Variants in TMEM132C observed in about 807,000 individuals in gnomAD.
TMEM132C encodes the protein protein phosphatase 1, regulatory subunit 152.
A neutral mutation model predicts 61.4 loss-of-function variants in TMEM132C; 29 were observed. That is an observed-to-expected ratio of 0.47 (90% CI 0.35 to 0.64). The LOEUF (loss-of-function observed/expected upper bound fraction) is 0.64. Among genes scored for constraint, TMEM132C ranks in the 30% least tolerant of loss-of-function variants. The pLI, the probability that TMEM132C is intolerant of heterozygous loss-of-function variation, is 0.00. For missense variants in TMEM132C, 1,408 were observed against 1,476.9 expected (o/e 0.95, Z 0.76); for synonymous variants, 656 against 633.1 (o/e 1.04, Z -0.54).
chr12:128,624,368 AC>A (rs1268307383), intron 4 of TMEM132C, among the ~76,000 whole-genome samples: 1 of 151,744 alleles, frequency 6.6e-6, no homozygotes, highest in Non-Finnish European at 1.5e-5. Flanking sequence ...AGATAGCGAA[AC>A]CCCGTCTCTA....
intron 2 of TMEM132C, among the ~76,000 whole-genome samples, chr12:128,515,660 C>T (rs141747645): frequency 0.02 from 3,048 of 152,148 alleles, 43 homozygotes; most frequent in Middle Eastern, 0.044. Context: ...AGTAAAACCC[C>T]GTCTCTACTA....
intron 1 of TMEM132C, among the ~76,000 whole-genome samples, chr12:128,304,101 T>C (rs1368943547): frequency 6.6e-6 from 1 of 152,176 alleles, no homozygotes; most frequent in Non-Finnish European, 1.5e-5. Context: ...AACAGCTGAC[T>C]GATACCCTTC....
At chr12:128,286,701 C>T (rs992836145) in intron 1 of TMEM132C, among the ~76,000 whole-genome samples, 1 of 152,130 alleles carries the variant, frequency 6.6e-6, no homozygotes, top group African/African-American at 2.4e-5. Flanking sequence ...AGAAGTGGCT[C>T]AGTTTGGGCA....
intron 1 of TMEM132C, among the ~76,000 whole-genome samples, chr12:128,363,871 G>C (rs1238078844): frequency 1.3e-5 from 2 of 151,546 alleles, no homozygotes; most frequent in Non-Finnish European, 2.9e-5. Context: ...AAAGAAGATG[G>C]GGTCCCTTAC....
intron 5 of TMEM132C, among the ~76,000 whole-genome samples, chr12:128,688,016 G>A (rs1397184249): frequency 1.3e-5 from 2 of 151,994 alleles, no homozygotes; most frequent in African/African-American, 2.4e-5. Context: ...CCTAGACTTG[G>A]AAAGAGACAG....
intron 4 of TMEM132C, among the ~76,000 whole-genome samples, chr12:128,665,286 C>T (rs991291043): frequency 1.5e-5 from 2 of 136,076 alleles, no homozygotes; most frequent in Admixed American, 1.4e-4. Context: ...CACGCACACA[C>T]AGGCACTCAC....
chr12:128,693,583 C>T (rs1336022886), intron 5 of TMEM132C, among the ~76,000 whole-genome samples: 1 of 152,198 alleles, frequency 6.6e-6, no homozygotes, highest in Non-Finnish European at 1.5e-5. Context: ...CTGTAACAGC[C>T]TAAAAAATGC....
At chr12:128,303,329 C>T (rs1296768403) in intron 1 of TMEM132C, among the ~76,000 whole-genome samples, 1 of 152,190 alleles carries the variant, frequency 6.6e-6, no homozygotes, top group Non-Finnish European at 1.5e-5. Flanking sequence ...TTGCATTTCC[C>T]TTCTTCCCTT....
intron 3 of TMEM132C, among the ~76,000 whole-genome samples, chr12:128,583,710 C>T (rs1220484969): frequency 6.6e-6 from 1 of 152,206 alleles, no homozygotes; most frequent in African/African-American, 2.4e-5. Context: ...CCCGAGCACC[C>T]CCAGATGGAG....
At chr12:128,564,902 A>G (rs1874645435) in intron 3 of TMEM132C, among the ~76,000 whole-genome samples, 3 of 152,196 alleles carry the variant, frequency 2.0e-5, no homozygotes. Flanking sequence ...GCCTTTAAAC[A>G]ATCCTGTCCT....
chr12:128,591,143 T>G (rs192456484), intron 3 of TMEM132C, among the ~76,000 whole-genome samples: 35 of 152,356 alleles, frequency 2.3e-4, no homozygotes, highest in African/African-American at 7.7e-4. Flanking sequence ...GTTTGCCCAT[T>G]TAAAATGTAC....
At chr12:128,653,134 C>T (rs143248535) in intron 4 of TMEM132C, among the ~76,000 whole-genome samples, 92 of 152,214 alleles carry the variant, frequency 6.0e-4, no homozygotes, top group Middle Eastern at 6.8e-3. Flanking sequence ...ACCACGTGGA[C>T]GAACCTTGAA....
intron 2 of TMEM132C, among the ~76,000 whole-genome samples, chr12:128,478,286 GTTTTTTTA>G (rs1418340175): frequency 6.6e-6 from 1 of 152,098 alleles, no homozygotes; most frequent in Non-Finnish European, 1.5e-5. Flanking sequence ...ACTGATTGTT[GTTTTTTTA>G]TTTTTTTATT....
At chr12:128,296,747 C>CT (rs1456324703) in intron 1 of TMEM132C, among the ~76,000 whole-genome samples, 2 of 152,102 alleles carry the variant, frequency 1.3e-5, no homozygotes, top group African/African-American at 4.8e-5. Context: ...GCAATAAAGT[C>CT]AAGAGTAGGC....
At chr12:128,292,128 C>A (rs900306146) in intron 1 of TMEM132C, among the ~76,000 whole-genome samples, 11 of 152,318 alleles carry the variant, frequency 7.2e-5, no homozygotes, top group Non-Finnish European at 1.0e-4. Context: ...ATGTTTAAGC[C>A]CTTCTGTTCC....
intron 5 of TMEM132C, among the ~76,000 whole-genome samples, chr12:128,673,487 G>A (rs949928617): frequency 6.6e-6 from 1 of 152,216 alleles, no homozygotes; most frequent in Non-Finnish European, 1.5e-5. Context: ...AAGACAGGCA[G>A]GAAGCCTGCC....
At chr12:128,321,680 C>T (rs146492175) in intron 1 of TMEM132C, among the ~76,000 whole-genome samples, 147 of 152,314 alleles carry the variant, frequency 9.7e-4, no homozygotes, top group Middle Eastern at 3.4e-3. Flanking sequence ...CAGAGAATTG[C>T]ATCAGTGTCC....
chr12:128,584,194 A>T (rs1002694886), intron 3 of TMEM132C, among the ~76,000 whole-genome samples: 1 of 152,224 alleles, frequency 6.6e-6, no homozygotes. Flanking sequence ...CAGCTGGAGA[A>T]CATTTCAGAG....
chr12:128,463,539 G>C lies in TMEM132C; in HGVS notation c.974+47919G>C, dbSNP rs188236342. On this transcript the variant is annotated intron_variant, in intron 2 of 8. Transcript: ENST00000435159. Reference sequence around the variant, plus strand: ...TCGTCATGTTGGCCAGGCTGGTCTGGAACTCCTGACCTCAGGTGATCCACC... The same window carrying C: ...TCGTCATGTTGGCCAGGCTGGTCTGCAACTCCTGACCTCAGGTGATCCACC... Among the ~76,000 whole-genome samples the C allele has an allele frequency of 4.3e-3, 657 of 152,146 alleles. 3 individuals carry two copies. Among genetic ancestry groups the C allele is most frequent in the African/African-American group, 0.015 (625 of 41,498 alleles).
Sources: gnomAD v4.1 joint callset for allele counts (sites outside exome capture counted in the v4.1 genomes callset) on GRCh38, gnomAD v4.1.1 for gene constraint, MANE v1.5 for transcripts, NCBI Gene and HGNC (gene_info 2026-07-23, HGNC 2026-07-21) for gene names.